The following IL7 variants were observed in gnomAD, a reference collection of about 807,000 sequenced individuals.
IL7 encodes interleukin 7.
IL7 carries 3 observed loss-of-function variants against 21.6 expected under a neutral mutation model. The ratio of observed to expected loss-of-function variants is 0.14; its 90% CI spans 0.06 to 0.36. The LOEUF (loss-of-function observed/expected upper bound fraction) is 0.36, where lower values mean the gene tolerates loss of function less well. Among genes scored for constraint, IL7 ranks in the 10% least tolerant of loss-of-function variants. The probability of loss-of-function intolerance (pLI) is 1.00; values close to 1 mark genes in which losing one functional copy is unlikely to be tolerated. For synonymous variants in IL7, 62 were observed against 68.1 expected (o/e 0.91, Z 0.44); for missense variants, 175 against 200.2 (o/e 0.87, Z 0.76).
chr8:78,719,858 A>G (rs1170430803), intron 5 of IL7: 1 of 151,868 alleles, frequency 6.6e-6, no homozygotes, highest in East Asian at 1.9e-4. Context: ...CAAAAATAAC[A>G]GATTTTTACA....
intron 4 of IL7, among the ~76,000 whole-genome samples, chr8:78,737,070 T>C (rs1216554472): frequency 6.6e-6 from 1 of 152,156 alleles, no homozygotes; most frequent in African/African-American, 2.4e-5. Context: ...TATAATTTAA[T>C]TTCAAAGATT....
At chr8:78,737,361 G>A (rs1025853251) in intron 4 of IL7, among the ~76,000 whole-genome samples, 14 of 152,202 alleles carry the variant, frequency 9.2e-5, no homozygotes, top group African/African-American at 3.4e-4. Context: ...CTTTGAAACC[G>A]CTGTTAAGTA....
intron 2 of IL7, chr8:78,762,275 A>G: frequency 1.9e-6 from 3 of 1,580,262 alleles, no homozygotes; most frequent in Non-Finnish European, 2.6e-6. Context: ...ATGTTTATTT[A>G]GCTGATCAGG....
chr8:78,740,218 GCTGA>G (rs941376134), intron 2 of IL7, 136 bp from the exon 3 acceptor site: 4 of 416,134 alleles, frequency 9.6e-6, no homozygotes, highest in African/African-American at 2.1e-5. Context: ...GCCTGGCTCA[GCTGA>G]CTAAGCATGA....
At chr8:78,781,444 TGGAAA>T (rs1813328372) in intron 2 of IL7, among the ~76,000 whole-genome samples, 1 of 152,204 alleles carries the variant, frequency 6.6e-6, no homozygotes, top group African/African-American at 2.4e-5. Flanking sequence ...TTTGCCTGTC[TGGAAA>T]GGATTTTATT....
At chr8:78,761,304 T>C (rs1812547803) in intron 2 of IL7, 5 of 1,611,568 alleles carry the variant, frequency 3.1e-6, no homozygotes, top group Non-Finnish European at 3.4e-6. Context: ...GATACTCCCA[T>C]AACAGGTACT....
chr8:78,743,201 C>T (rs1161669147), intron 2 of IL7, among the ~76,000 whole-genome samples: 4 of 152,170 alleles, frequency 2.6e-5, no homozygotes, highest in Non-Finnish European at 2.9e-5. Context: ...AATGAACATA[C>T]ATGTGCATGT....
chr8:78,764,174 T>C (rs998136200), intron 2 of IL7, among the ~76,000 whole-genome samples: 4 of 152,176 alleles, frequency 2.6e-5, no homozygotes, highest in Non-Finnish European at 5.9e-5. Flanking sequence ...TTTTAACACA[T>C]TAGGAATAGA....
chr8:78,769,252 T>C lies in IL7; in HGVS notation c.147+28820A>G, dbSNP rs1452648851. On this transcript the variant is annotated intron_variant, in intron 2 of 5. Transcript: ENST00000263851. The stretch of plus-strand genomic sequence containing the variant: ...AAAGAGGAAGTCAAATTGTCCCTGT[T>C]TGCAGATGACATGATTGTATATCTA... Among the ~76,000 whole-genome samples the C allele has an allele frequency of 3.0e-3, 452 of 152,144 alleles. 2 individuals are homozygous for C. The highest frequency in any genetic ancestry group is 7.3e-3 in the South Asian group (35 of 4,810).
chr8:78,716,184 G>A (rs904663353), downstream of IL7, among the ~76,000 whole-genome samples: 4 of 150,854 alleles, frequency 2.7e-5, no homozygotes, highest in African/African-American at 4.9e-5. Flanking sequence ...GTGCAGTGGC[G>A]CAATCTCGGC....
At chr8:78,697,804 G>A (rs910825997) in intron 3 of IL7, among the ~76,000 whole-genome samples, 1 of 151,242 alleles carries the variant, frequency 6.6e-6, no homozygotes, top group East Asian at 1.9e-4. Context: ...TTAGCCTCCC[G>A]AGTAGCTGGG....
intron 2 of IL7, chr8:78,761,679 T>C (rs2130763973): frequency 1.2e-6 from 2 of 1,611,618 alleles, no homozygotes; most frequent in South Asian, 2.2e-5. Flanking sequence ...TCCCTGAGAG[T>C]TTCTTCTCGA....
At chr8:78,688,731 T>C (rs1810107323) in intron 3 of IL7, among the ~76,000 whole-genome samples, 1 of 152,160 alleles carries the variant, frequency 6.6e-6, no homozygotes, top group Non-Finnish European at 1.5e-5. Context: ...GTTGGGACTT[T>C]TAAGAGAAAA....
At chr8:78,676,191 A>G in intron 4 of IL7, 1 of 172,530 alleles carries the variant, frequency 5.8e-6, no homozygotes, top group Non-Finnish European at 1.2e-5. Context: ...AAAATAATAT[A>G]ATGTCTGTAA....
intron 3 of IL7, among the ~76,000 whole-genome samples, chr8:78,722,878 A>G (rs1563645479): frequency 6.6e-6 from 1 of 151,916 alleles, no homozygotes; most frequent in Non-Finnish European, 1.5e-5. Flanking sequence ...TAACTTCTTT[A>G]TTATGTAAAC....
At chr8:78,766,776 C>T (rs1242549212) in intron 2 of IL7, among the ~76,000 whole-genome samples, 1 of 152,128 alleles carries the variant, frequency 6.6e-6, no homozygotes, top group African/African-American at 2.4e-5. Context: ...GTATGTGTAT[C>T]TGTATGTGTT....
chr8:78,721,188 A>C (rs1242396139), intron 4 of IL7: 1 of 152,050 alleles, frequency 6.6e-6, no homozygotes, highest in African/African-American at 2.4e-5. Context: ...TTTTAATGGA[A>C]CTTTTGTTTA....
At chr8:78,703,882 G>A (rs1009191662) in intron 3 of IL7, among the ~76,000 whole-genome samples, 1 of 152,058 alleles carries the variant, frequency 6.6e-6, no homozygotes, top group African/African-American at 2.4e-5. Flanking sequence ...CAGTATTACT[G>A]GTCTGTGTAC....
In IL7 at chr8:78,702,812, T is replaced by G. The variant is rs567747395; in HGVS notation, n.215-16865A>C. Among the ~76,000 whole-genome samples, 87 of 152,290 alleles carry G rather than the reference T, an allele frequency of 5.7e-4. 2 individuals are homozygous for G. Among genetic ancestry groups the G allele is most frequent in the Admixed American group, 5.2e-3 (80 of 15,288 alleles). On this transcript the variant is annotated intron_variant and non_coding_transcript_variant, in intron 3 of 4. Transcript: ENST00000523959. Reference sequence around the variant, plus strand: ...CTTGATTTCTAATTTAATTGTTCTGTGGTTTGAGAGAATATTTGTTATGAT... The same window carrying G: ...CTTGATTTCTAATTTAATTGTTCTGGGGTTTGAGAGAATATTTGTTATGAT...
Sources: allele counts gnomAD v4.1 joint callset (sites outside exome capture counted in the v4.1 genomes callset), GRCh38; gene constraint gnomAD v4.1.1; transcripts MANE v1.5; gene names NCBI Gene and HGNC (gene_info 2026-07-23, HGNC 2026-07-21).